COL2A1: variants seen among roughly 807,000 people sequenced by gnomAD.
COL2A1 encodes collagen type II alpha 1 chain.
COL2A1 carries 28 observed loss-of-function variants against 204.5 expected under a neutral mutation model. The observed-to-expected ratio is 0.14, with a 90% CI of 0.10 to 0.19. COL2A1 has a LOEUF of 0.19. Ranked by LOEUF, COL2A1 falls within the 10% of genes least tolerant of loss-of-function variation. COL2A1 has a pLI of 1.00. For missense variants in COL2A1, 1,388 were observed against 2,027.5 expected (o/e 0.68, Z 6.06); for synonymous variants, 708 against 718.7 (o/e 0.99, Z 0.24).
At chr12:47,979,634 GGC>G in intron 40 of COL2A1, 70 bp from the exon 41 acceptor site, 1 of 566,318 alleles carries the variant, frequency 1.8e-6, no homozygotes, top group Non-Finnish European at 3.4e-6. Context: ...ATGGGCGGGG[GGC>G]GGGGGTGGTC....
In COL2A1 at chr12:47,995,282, A is replaced by T. The variant is rs773724590; in HGVS notation, c.735T>A (p.Pro245=). 9 of 1,613,742 alleles carry T rather than the reference A, an allele frequency of 5.6e-6. No individual in the cohort carries two copies. Among genetic ancestry groups the T allele is most frequent in the Non-Finnish European group, 7.6e-6 (9 of 1,179,582 alleles). ...VSGPMGPRGP[P]GPPGKPGDDG... is the part of the protein sequence containing the mutation. ...CATCACCAGGCTTTCCAGGGGGACC[A>T]GGAGGACCACGGGGACCCATGGGAC... The change falls in exon 11 of 54, where the codon CCT becomes CCA. Residue 245 remains proline, a synonymous_variant. Coordinates refer to ENST00000380518, the MANE Select transcript of COL2A1 (RefSeq NM_001844.5).
At chr12:47,974,631 G>T in intron 52 of COL2A1, 44 bp downstream of exon 52, 1 of 1,595,620 alleles carries the variant, frequency 6.3e-7, no homozygotes, top group Non-Finnish European at 8.6e-7. Context: ...GAAAGAGTTT[G>T]AGGAGCCATC....
At chr12:47,995,796 C>A in intron 9 of COL2A1, 33 bp from the exon 10 acceptor site, 1 of 1,612,488 alleles carries the variant, frequency 6.2e-7, no homozygotes, top group Non-Finnish European at 8.5e-7. Context: ...CAGGTCAATC[C>A]CTATAAACTG....
chr12:47,984,884 C>G (rs950616295), intron 27 of COL2A1, 111 bp downstream of exon 27: 2 of 943,550 alleles, frequency 2.1e-6, no homozygotes, highest in East Asian at 5.2e-5. Flanking sequence ...AGGAGCCCCA[C>G]TCATCACTGT....
At chr12:47,990,997 A>G (rs761011701) in intron 16 of COL2A1, among the ~76,000 whole-genome samples, 1 of 152,072 alleles carries the variant, frequency 6.6e-6, no homozygotes, top group Admixed American at 6.5e-5. Context: ...TTTAAATACA[A>G]CTCAACTCTT....
Position 47,987,111 on chromosome 12 carries a change from A to G in COL2A1, c.1332T>C (p.Gly444=), listed in dbSNP as rs778780891. Residue 444 remains glycine, a synonymous_variant, in exon 21 of 54, where the codon GGT becomes GGC. Transcript: ENST00000380518. The surrounding 1 kb of genome is among the most constrained non-coding windows in gnomAD (Gnocchi z 4.1). ...CTTTCGGGCCCAGAGGACCAGTTGCACCTTGAGGGCCAGGAGGGCCCCGTG... is the reference window on the plus strand; with the variant it reads ...CTTTCGGGCCCAGAGGACCAGTTGCGCCTTGAGGGCCAGGAGGGCCCCGTG... ...PGPRGPPGPQ[G]ATGPLGPKGQ... 2 of 1,614,076 alleles carry G rather than the reference A, an allele frequency of 1.2e-6. No individual in the cohort carries two copies. Among genetic ancestry groups the G allele is most frequent in the Non-Finnish European group, 1.7e-6 (2 of 1,180,010 alleles).
In COL2A1 at chr12:47,980,813, G is replaced by T. The variant is rs1004326555; in HGVS notation, c.2517+102C>A. The T allele has an allele frequency of 3.5e-6, 5 of 1,439,698 alleles. No homozygotes were observed. The highest frequency in any genetic ancestry group is 4.8e-6 in the Non-Finnish European group (5 of 1,045,136). The allele number at this position is 1,439,698 out of a possible 1,614,324, so 89.2% of individuals were successfully genotyped here. ...TATGGAGGCGGGAAAGGAGAGGAGA[G>T]GAGCATCCATTTCCCTCCCTGACAA... On this transcript the variant is annotated intron_variant, in intron 38 of 53. Coordinates refer to ENST00000380518, the MANE Select transcript of COL2A1 (RefSeq NM_001844.5). The surrounding 1 kb of genome is among the most constrained non-coding windows in gnomAD (Gnocchi z 4.5).
In COL2A1 at chr12:47,982,047, C is replaced by T. The variant is rs532104537; in HGVS notation, c.2355+60G>A. Reference sequence around the variant, plus strand: ...AGACTGCCCAGCCCTCTCTCCTGCTCTCCTGGGTGCAGGGCTAGGATCCTA... The same window carrying T: ...AGACTGCCCAGCCCTCTCTCCTGCTTTCCTGGGTGCAGGGCTAGGATCCTA... On this transcript the variant is annotated intron_variant, in intron 35 of 53. Coordinates refer to ENST00000380518, the MANE Select transcript of COL2A1 (RefSeq NM_001844.5). 2.1e-5 allele frequency: 32 copies of T among 1,551,222 alleles called. No individual in the cohort carries two copies. The East Asian group carries it at 6.3e-4, about 30-fold the overall frequency.
intron 22 of COL2A1, 111 bp from the exon 23 acceptor site, chr12:47,986,554 G>A: frequency 3.9e-6 from 3 of 766,592 alleles, no homozygotes; most frequent in Middle Eastern, 3.4e-4. Flanking sequence ...GGGCTGGGGG[G>A]GGGCTTGAGG....
intron 31 of COL2A1, 63 bp downstream of exon 31, chr12:47,983,322 C>T: frequency 6.3e-7 from 1 of 1,577,274 alleles, no homozygotes; most frequent in South Asian, 1.1e-5. Flanking sequence ...CCCTTGCCTC[C>T]TAGGCATCAG....
chr12:47,982,300 G>A (rs925566221), intron 34 of COL2A1, 140 bp from the exon 35 acceptor site: 6 of 843,324 alleles, frequency 7.1e-6, no homozygotes, highest in African/African-American at 3.3e-5. Context: ...GGTGGGTGAG[G>A]AGCAGCAGGG....
chr12:47,994,481 A>G lies in COL2A1; in HGVS notation c.763-4T>C, dbSNP rs780037804. On this transcript the variant is annotated splice_region_variant and splice_polypyrimidine_tract_variant and intron_variant, in intron 11 of 53. Transcript: ENST00000380518. ...TTCCAGGTTTTCCAGCTTCACCCTG[A>G]AGGGAGAGAGAGAGATATCCCAGCT... 6.2e-7 allele frequency: 1 copy of G among 1,613,764 alleles called. No homozygotes were observed.
chr12:47,977,256 C>A, intron 46 of COL2A1, 64 bp downstream of exon 46: 1 of 1,577,370 alleles, frequency 6.3e-7, no homozygotes, highest in Non-Finnish European at 8.7e-7. Context: ...CTGCGGAAAC[C>A]CAGGGACTGC....
chr12:47,976,683 C>T lies in COL2A1; in HGVS notation c.3436-116G>A. On this transcript the variant is annotated intron_variant, in intron 48 of 53. Coordinates refer to ENST00000380518, the MANE Select transcript of COL2A1 (RefSeq NM_001844.5). This position sits in a 1 kb window ranked among gnomAD's most constrained non-coding sequence, Gnocchi z 4.3. ...CCCATTCCCTTTCCACTTCCTCCTC[C>T]CTCCAGCCCTGAGGAAATCCTAGAA... The T allele has an allele frequency of 7.3e-7, 1 of 1,368,776 alleles. No homozygotes were observed. The highest frequency in any genetic ancestry group is 2.4e-5 in the East Asian group (1 of 41,696). 84.8% of individuals were successfully genotyped at this position (1,368,776 alleles called of 1,614,324 possible).
rs927187878 is a variant in COL2A1 at position 47,997,883 on chromosome 12, G to A, written c.417C>T (p.Asp139=). ...GEQGPRGDRG[D]KGEKGAPGPR... ...GCTTTTTACTCACTTTTTCACCTTT[G>A]TCACCACGATCCCCTCTGGGTCCTT... The change falls in exon 6 of 54, where the codon GAC becomes GAT. Residue 139 remains aspartate, a synonymous_variant. Coordinates refer to ENST00000380518, the MANE Select transcript of COL2A1 (RefSeq NM_001844.5). 6.2e-7 allele frequency: 1 copy of A among 1,614,066 alleles called. No individual in the cohort carries two copies. The highest frequency in any genetic ancestry group is 8.5e-7 in the Non-Finnish European group (1 of 1,179,996).
Position 47,986,549 on chromosome 12 carries a change from G to GA in COL2A1, c.1420-107_1420-106insT, listed in dbSNP as rs1254575004. 44 of 682,534 alleles carry GA rather than the reference G, an allele frequency of 6.4e-5. 1 individual carries two copies. The highest frequency in any genetic ancestry group is 3.5e-4 in the South Asian group (21 of 59,874). The allele number at this position is 682,534 out of a possible 1,614,324, so 42.3% of individuals were successfully genotyped here. On this transcript the variant is annotated intron_variant, in intron 22 of 53. Transcript: ENST00000380518. ...TAGCCTTGGCAACTGTTTCAGGGCT[G>GA]GGGGGGGGCTTGAGGACGAGAGGCC...
chr12:47,997,102 C>T (rs955607944), intron 7 of COL2A1, among the ~76,000 whole-genome samples: 3 of 152,180 alleles, frequency 2.0e-5, no homozygotes, highest in Non-Finnish European at 4.4e-5. Context: ...ATCAAAATAG[C>T]AAACCTGCAA....
At chr12:47,989,913 C>G (rs1939625187) in intron 16 of COL2A1, 108 bp from the exon 17 acceptor site, 2 of 1,103,160 alleles carry the variant, frequency 1.8e-6, no homozygotes. Flanking sequence ...CTGGGGTGTC[C>G]CAGGGCAGAG....
In COL2A1 at chr12:47,998,180, C is replaced by T. The variant is rs1260264802; in HGVS notation, c.331G>A (p.Asp111Asn). 7 of 1,614,164 alleles carry T rather than the reference C, an allele frequency of 4.3e-6. No individual in the cohort carries two copies. Among genetic ancestry groups the T allele is most frequent in the Non-Finnish European group, 5.9e-6 (7 of 1,180,020 alleles). ...GPKGQKGEPGDIKDIVGPKGP... is the reference protein window; with the variant it reads ...GPKGQKGEPGNIKDIVGPKGP... ...TAATTTGCACTTACATCCTTGATGT[C>T]TCCAGGTTCTCCTTTCTGTCCCTGA... is the stretch of plus-strand genomic sequence containing the variant. The change falls in exon 4 of 54, where the codon GAC becomes AAC. Residue 111 changes from aspartate (D) to asparagine (N), a missense_variant. Asp to Asn is a conservative substitution (Grantham distance 23, BLOSUM62 1). Transcript: ENST00000380518.
Sources: gnomAD v4.1 joint callset for allele counts (sites outside exome capture counted in the v4.1 genomes callset) on GRCh38, gnomAD v4.1.1 for gene constraint, Gnocchi (gnomAD v3.1) non-coding constraint, MANE v1.5 for transcripts, NCBI Gene and HGNC (gene_info 2026-07-23, HGNC 2026-07-21) for gene names.